CCDC3: variants seen among roughly 807,000 people sequenced by gnomAD.
The protein encoded by CCDC3 is coiled-coil domain-containing protein 3.
In CCDC3, 24 loss-of-function variants were observed where a neutral mutation model predicts 21.4. That is an observed-to-expected ratio of 1.12 (90% CI 0.81 to 1.58). The LOEUF is 1.58. CCDC3 is among the 40% of genes most tolerant of loss of function. The pLI is 0.00. For synonymous variants in CCDC3, 186 were observed against 166.0 expected (o/e 1.12, Z -0.93); for missense variants, 425 against 360.9 (o/e 1.18, Z -1.44).
chr10:13,056,339 C>A (rs997486110), intron 4 of CCDC3, among the ~76,000 whole-genome samples: 2 of 152,130 alleles, frequency 1.3e-5, no homozygotes, highest in African/African-American at 4.8e-5. Flanking sequence ...ATTTTATTGG[C>A]CACAACTTGG....
chr10:13,005,502 C>T (rs1474739192), upstream of CCDC3, among the ~76,000 whole-genome samples: 1 of 152,202 alleles, frequency 6.6e-6, no homozygotes, highest in Non-Finnish European at 1.5e-5. Flanking sequence ...GTTCAGATTA[C>T]ATAGTCACCC....
intron 2 of CCDC3, among the ~76,000 whole-genome samples, chr10:12,922,136 C>A (rs1283574796): frequency 6.6e-6 from 1 of 152,086 alleles, no homozygotes; most frequent in African/African-American, 2.4e-5. Flanking sequence ...ACTCCCATTC[C>A]TCTTATCATC....
chr10:12,914,751 G>C (rs1327387438), intron 2 of CCDC3, among the ~76,000 whole-genome samples: 1 of 152,092 alleles, frequency 6.6e-6, no homozygotes, highest in Non-Finnish European at 1.5e-5. Flanking sequence ...CCTGGCCTGA[G>C]TTGTCTTTTT....
At chr10:12,984,702 A>G (rs996879516) in intron 2 of CCDC3, among the ~76,000 whole-genome samples, 3 of 152,260 alleles carry the variant, frequency 2.0e-5, no homozygotes, top group Admixed American at 6.5e-5. Flanking sequence ...ACCATGAAAT[A>G]TTATTCAGCC....
At chr10:13,070,782 T>C (rs1836872467) in intron 4 of CCDC3, among the ~76,000 whole-genome samples, 1 of 152,242 alleles carries the variant, frequency 6.6e-6, no homozygotes, top group East Asian at 1.9e-4. Flanking sequence ...TCGGGCCAAG[T>C]ATAAGACTAA....
chr10:12,926,428 G>A (rs1473016097), intron 2 of CCDC3, among the ~76,000 whole-genome samples: 2 of 152,184 alleles, frequency 1.3e-5, no homozygotes, highest in Non-Finnish European at 2.9e-5. Context: ...CCACTCTAGA[G>A]TGCCTTATTT....
intron 5 of CCDC3, among the ~76,000 whole-genome samples, chr10:13,026,257 C>G (rs1001916142): frequency 6.6e-6 from 1 of 152,040 alleles, no homozygotes; most frequent in Non-Finnish European, 1.5e-5. Context: ...ACTCTCCCAC[C>G]CACTTTATAA....
At chr10:12,949,290 T>A (rs935854106) in intron 2 of CCDC3, among the ~76,000 whole-genome samples, 6 of 152,190 alleles carry the variant, frequency 3.9e-5, no homozygotes, top group Admixed American at 6.5e-5. Flanking sequence ...AAGTTTTGGC[T>A]ATGGGATATA....
chr10:13,086,755 G>T (rs1837116478), intron 3 of CCDC3, among the ~76,000 whole-genome samples: 1 of 152,152 alleles, frequency 6.6e-6, no homozygotes, highest in South Asian at 2.1e-4. Flanking sequence ...CTCTGTAAAA[G>T]GTTTCTACGA....
At position 13,074,167 on chromosome 10, in the gene CCDC3, T is replaced by A. The variant is rs1836925844; in HGVS notation, c.-502-67A>T. The stretch of plus-strand genomic sequence containing the variant: ...TATATATATATATTTTTTTTTTTTT[T>A]TTTTTTTGAGACAGAGTTTCACCCC... On this transcript the variant is annotated intron_variant, in intron 3 of 6. Transcript: ENST00000378839. 3 of 131,112 alleles carry A rather than the reference T, an allele frequency of 2.3e-5. No homozygotes were observed. The South Asian group carries it at 7.5e-4, about 33-fold the overall frequency. 8.1% of individuals were successfully genotyped at this position (131,112 alleles called of 1,614,324 possible). A position where few individuals can be genotyped will look rare whatever the true frequency, so the allele number is the denominator to read the frequency against.
At chr10:12,904,545 C>G (rs998517540) in intron 2 of CCDC3, among the ~76,000 whole-genome samples, 1 of 145,532 alleles carries the variant, frequency 6.9e-6, no homozygotes, top group African/African-American at 2.5e-5. Flanking sequence ...GGACCACAGG[C>G]CAATGGGGAG....
chr10:13,042,872 G>A (rs1047325577), intron 5 of CCDC3, among the ~76,000 whole-genome samples: 2 of 132,050 alleles, frequency 1.5e-5, no homozygotes, highest in African/African-American at 2.9e-5. Flanking sequence ...TGGCGCCACT[G>A]CACTCCAGCC....
chr10:13,083,058 T>G (rs12571458), intron 3 of CCDC3, among the ~76,000 whole-genome samples: 31,462 of 151,970 alleles, frequency 0.21, 4,020 homozygotes, highest in East Asian at 0.39. Context: ...TTTACCTCAT[T>G]TCTCCAACGA....
At chr10:12,969,987 T>C (rs1415443212) in intron 2 of CCDC3, among the ~76,000 whole-genome samples, 1 of 152,180 alleles carries the variant, frequency 6.6e-6, no homozygotes, top group Non-Finnish European at 1.5e-5. Flanking sequence ...ATGAAGCCAT[T>C]TTAATTTAAA....
chr10:12,923,654 C>A (rs17501542), intron 2 of CCDC3, among the ~76,000 whole-genome samples: 8,476 of 152,144 alleles, frequency 0.056, 251 homozygotes, highest in Non-Finnish European at 0.071. Flanking sequence ...GATATGCGTC[C>A]CGGTCATTTC....
At chr10:13,088,649 G>C (rs1837141237) in intron 3 of CCDC3, among the ~76,000 whole-genome samples, 1 of 152,172 alleles carries the variant, frequency 6.6e-6, no homozygotes, top group East Asian at 1.9e-4. Context: ...GTCTCCAAAA[G>C]CACAGGCAAA....
chr10:13,084,068 T>C (rs1336537261), intron 3 of CCDC3, among the ~76,000 whole-genome samples: 1 of 152,228 alleles, frequency 6.6e-6, no homozygotes. Context: ...CTAATTTTGC[T>C]TTAAAGATAG....
At chr10:13,010,263 C>G (rs1835969048) in intron 5 of CCDC3, among the ~76,000 whole-genome samples, 1 of 151,658 alleles carries the variant, frequency 6.6e-6, no homozygotes, top group African/African-American at 2.4e-5. Flanking sequence ...AACAAAAAAA[C>G]AAAAAACACT....
At chr10:13,036,604 C>T (rs1217378111) in intron 5 of CCDC3, among the ~76,000 whole-genome samples, 1 of 152,128 alleles carries the variant, frequency 6.6e-6, no homozygotes, top group Non-Finnish European at 1.5e-5. Context: ...CCTGCCTCAG[C>T]CTCCCGAGTA....
Sources: gnomAD v4.1 joint callset for allele counts (sites outside exome capture counted in the v4.1 genomes callset) on GRCh38, gnomAD v4.1.1 for gene constraint, MANE v1.5 for transcripts, NCBI Gene and HGNC (gene_info 2026-07-23, HGNC 2026-07-21) for gene names.